BBX: variants seen among roughly 807,000 people sequenced by gnomAD.
BBX encodes the protein HMG box transcription factor BBX.
BBX carries 30 observed loss-of-function variants against 100.2 expected under a neutral mutation model. The observed-to-expected ratio is 0.30, with a 90% CI of 0.22 to 0.41. The LOEUF is 0.41. Ranked by LOEUF, BBX falls within the 10% of genes least tolerant of loss-of-function variation. The pLI is 1.00. For missense variants in BBX, 1,023 were observed against 1,129.8 expected (o/e 0.91, Z 1.35); for synonymous variants, 376 against 388.1 (o/e 0.97, Z 0.37).
At chr3:107,573,972 G>T (rs1056854231) in intron 2 of BBX, among the ~76,000 whole-genome samples, 1 of 152,136 alleles carries the variant, frequency 6.6e-6, no homozygotes, top group East Asian at 1.9e-4. Flanking sequence ...TGATCCACCC[G>T]CCTCAGCCTC....
chr3:107,808,782 G>A lies in BBX; in HGVS notation c.*3325G>A, dbSNP rs2071178780. On this transcript the variant is annotated 3_prime_UTR_variant, in exon 18 of 18. Coordinates refer to ENST00000325805, the MANE Select transcript of BBX (RefSeq NM_001142568.3). ...AATTCATTAAAACCCCTTTTAAAAG[G>A]TAAATTCTACTGTTGTAATTCCGAT... is the stretch of plus-strand genomic sequence containing the variant. 1.3e-5 allele frequency: 2 copies of A among 152,260 alleles called. No homozygotes were observed. The highest frequency in any genetic ancestry group is 4.8e-5 in the African/African-American group (2 of 41,558). 9.4% of individuals were successfully genotyped at this position (152,260 alleles called of 1,614,324 possible). A position where few individuals can be genotyped will look rare whatever the true frequency, so the allele number is the denominator to read the frequency against.
intron 5 of BBX, among the ~76,000 whole-genome samples, chr3:107,727,950 T>C (rs938268584): frequency 2.0e-5 from 3 of 152,166 alleles, no homozygotes; most frequent in Non-Finnish European, 4.4e-5. Context: ...ATGTAACGAA[T>C]AGCAATAAAT....
At chr3:107,545,945 G>A (rs890131972) in intron 2 of BBX, among the ~76,000 whole-genome samples, 2 of 152,152 alleles carry the variant, frequency 1.3e-5, no homozygotes, top group African/African-American at 4.8e-5. Flanking sequence ...TGGTAGAAAG[G>A]GCACTAAAAT....
chr3:107,626,421 C>A (rs910490938), intron 2 of BBX, among the ~76,000 whole-genome samples: 7 of 152,308 alleles, frequency 4.6e-5, no homozygotes, highest in Admixed American at 4.6e-4. Context: ...AATGAACATT[C>A]ATTCTCTCAC....
At chr3:107,794,995 G>C (rs868638212) in intron 15 of BBX, among the ~76,000 whole-genome samples, 14 of 152,302 alleles carry the variant, frequency 9.2e-5, no homozygotes, top group Middle Eastern at 6.8e-3. Flanking sequence ...GTTATTGTTT[G>C]GGTGTAAAAA....
chr3:107,703,123 T>A (rs1157365152), intron 3 of BBX, among the ~76,000 whole-genome samples: 1 of 152,230 alleles, frequency 6.6e-6, no homozygotes, highest in African/African-American at 2.4e-5. Context: ...AGCCATGTAA[T>A]AAGTGCATAT....
At chr3:107,665,486 C>CTA (rs1328700896) in intron 3 of BBX, among the ~76,000 whole-genome samples, 1 of 152,038 alleles carries the variant, frequency 6.6e-6, no homozygotes, top group African/African-American at 2.4e-5. Flanking sequence ...GAGTCTGAAT[C>CTA]TATCTACCTT....
rs530172201 is a variant in BBX at position 107,768,092 on chromosome 3, C to G, written c.907-4536C>G. 3.3e-5 allele frequency among the ~76,000 whole-genome samples: 5 copies of G among 152,284 alleles called. No individual in the cohort carries two copies. In the South Asian group the frequency reaches 1.0e-3, roughly 32 times the overall value. ...TGTGGCTTTCTGCTGTCACTAACCC[C>G]TGTGTTGCGTCACCGCCTCCTGTTT... On this transcript the variant is annotated intron_variant, in intron 10 of 17. Transcript: ENST00000325805.
chr3:107,732,710 G>A (rs1193975712), intron 6 of BBX, among the ~76,000 whole-genome samples: 1 of 152,170 alleles, frequency 6.6e-6, no homozygotes, highest in Non-Finnish European at 1.5e-5. Flanking sequence ...AACAGCAATG[G>A]TATTGAAGAA....
intron 2 of BBX, among the ~76,000 whole-genome samples, chr3:107,638,776 A>AGT (rs2057005203): frequency 1.6e-5 from 1 of 62,644 alleles, no homozygotes; most frequent in African/African-American, 4.7e-5. Flanking sequence ...AAAAAAAAAA[A>AGT]GTATACACAC....
intron 2 of BBX, among the ~76,000 whole-genome samples, chr3:107,540,835 A>G (rs1275882686): frequency 1.3e-5 from 2 of 152,132 alleles, no homozygotes; most frequent in African/African-American, 2.4e-5. Context: ...TACTGAATTT[A>G]TTTATAAATA....
chr3:107,801,679 CAG>C (rs775134702), intron 17 of BBX, among the ~76,000 whole-genome samples: 30 of 152,028 alleles, frequency 2.0e-4, no homozygotes, highest in Admixed American at 3.9e-4. Context: ...TCTAAAAAAA[CAG>C]GGGCAGGTGG....
intron 3 of BBX, among the ~76,000 whole-genome samples, chr3:107,665,447 G>A (rs977117998): frequency 5.3e-5 from 8 of 151,982 alleles, no homozygotes; most frequent in Admixed American, 2.0e-4. Flanking sequence ...AATGAAAAAC[G>A]CTTTGTCACT....
Position 107,642,762 on chromosome 3 carries a change from G to A in BBX, c.-83-3074G>A, listed in dbSNP as rs1354225975. The stretch of plus-strand genomic sequence containing the variant: ...TTGTTGTTGTTTTTACTCTATAAAT[G>A]GAGAGGCATGTGTACCATGCATGGT... On this transcript the variant is annotated intron_variant, in intron 2 of 17. Coordinates refer to ENST00000325805, the MANE Select transcript of BBX (RefSeq NM_001142568.3). Among the ~76,000 whole-genome samples, 8 of 152,170 alleles carry A rather than the reference G, an allele frequency of 5.3e-5. No homozygotes were observed. The East Asian group carries it at 1.2e-3, about 22-fold the overall frequency.
intron 13 of BBX, among the ~76,000 whole-genome samples, chr3:107,784,541 A>G (rs1384845080): frequency 6.6e-6 from 1 of 151,996 alleles, no homozygotes; most frequent in African/African-American, 2.4e-5. Flanking sequence ...AATTAAATAC[A>G]CTTCTACATA....
chr3:107,655,750 G>C (rs1284737309), intron 3 of BBX, among the ~76,000 whole-genome samples: 2 of 151,206 alleles, frequency 1.3e-5, no homozygotes, highest in African/African-American at 4.9e-5. Context: ...CCCCAGGCTG[G>C]AATGCAGTGA....
intron 3 of BBX, among the ~76,000 whole-genome samples, chr3:107,685,318 G>A (rs556119382): frequency 6.6e-6 from 1 of 152,282 alleles, no homozygotes; most frequent in Admixed American, 6.5e-5. Context: ...TAACTTGAGG[G>A]TGTTTAATCA....
chr3:107,659,249 A>G (rs2058313243), intron 3 of BBX, among the ~76,000 whole-genome samples: 2 of 151,846 alleles, frequency 1.3e-5, no homozygotes, highest in South Asian at 4.2e-4. Flanking sequence ...TATTATATTT[A>G]TTTTATTACA....
At chr3:107,556,173 T>C (rs1270102906) in intron 2 of BBX, among the ~76,000 whole-genome samples, 1 of 152,182 alleles carries the variant, frequency 6.6e-6, no homozygotes, top group African/African-American at 2.4e-5. Flanking sequence ...TTTGCTGCTG[T>C]CCTGTCAGGT....
Sources: allele counts gnomAD v4.1 joint callset (sites outside exome capture counted in the v4.1 genomes callset), GRCh38; gene constraint gnomAD v4.1.1; transcripts MANE v1.5; gene names NCBI Gene and HGNC (gene_info 2026-07-23, HGNC 2026-07-21).